Variants in PHACTR1 observed in about 807,000 individuals in gnomAD.
PHACTR1 encodes RPEL repeat containing 1.
In PHACTR1, 16 loss-of-function variants were observed where a neutral mutation model predicts 69.2. The observed-to-expected ratio is 0.23, with a 90% CI of 0.16 to 0.35. The LOEUF is 0.35. Among genes scored for constraint, PHACTR1 ranks in the 10% least tolerant of loss-of-function variants. PHACTR1 has a pLI of 1.00. For missense variants in PHACTR1, 510 were observed against 734.7 expected (o/e 0.69, Z 3.54); for synonymous variants, 312 against 284.5 (o/e 1.10, Z -0.97).
rs536754843 is a variant in PHACTR1, at chr6:12,824,788, G to A, written c.250+74998G>A. 5.3e-5 allele frequency among the ~76,000 whole-genome samples: 8 copies of A among 152,128 alleles called. No homozygotes were observed. In the South Asian group the frequency reaches 1.7e-3, roughly 32 times the overall value. ...AATTAACTTTAGTATCTGTAGTTCT[G>A]TCCATGTATGTTTCAGTCTAATACA... On this transcript the variant is annotated intron_variant, in intron 4 of 14. Coordinates refer to ENST00000332995, the MANE Select transcript of PHACTR1 (RefSeq NM_030948.6).
intron 3 of PHACTR1, among the ~76,000 whole-genome samples, chr6:12,729,988 A>T (rs889276978): frequency 3.3e-5 from 5 of 152,190 alleles, no homozygotes; most frequent in African/African-American, 1.2e-4. Flanking sequence ...ATACAGGAGG[A>T]TGACCAAGAT....
At chr6:12,934,812 G>C (rs775344687) in intron 4 of PHACTR1, among the ~76,000 whole-genome samples, 6 of 151,836 alleles carry the variant, frequency 4.0e-5, no homozygotes, top group Non-Finnish European at 7.4e-5. Flanking sequence ...CTCCAGTCTA[G>C]GTGACAGAAT....
intron 4 of PHACTR1, among the ~76,000 whole-genome samples, chr6:12,847,403 C>T (rs1779400143): frequency 6.6e-6 from 1 of 152,152 alleles, no homozygotes; most frequent in Admixed American, 6.5e-5. Flanking sequence ...AAGAAACAAA[C>T]TCTAAAGGTC....
intron 5 of PHACTR1, among the ~76,000 whole-genome samples, chr6:13,116,471 C>T (rs909423549): frequency 1.3e-5 from 2 of 152,152 alleles, no homozygotes. Context: ...TGCATTAAGT[C>T]ATTTAAGGCT....
chr6:13,009,569 T>C (rs1799208936), intron 4 of PHACTR1, among the ~76,000 whole-genome samples: 1 of 152,162 alleles, frequency 6.6e-6, no homozygotes, highest in African/African-American at 2.4e-5. Flanking sequence ...TTAATTTTGA[T>C]TGTAGGTTTC....
At chr6:12,850,120 C>A (rs1286649811) in intron 4 of PHACTR1, among the ~76,000 whole-genome samples, 2 of 152,170 alleles carry the variant, frequency 1.3e-5, no homozygotes, top group African/African-American at 4.8e-5. Flanking sequence ...GTCATGAATT[C>A]TTTTTTCCCT....
intron 10 of PHACTR1, among the ~76,000 whole-genome samples, chr6:13,260,013 C>T (rs1424773642): frequency 3.3e-5 from 5 of 152,154 alleles, no homozygotes; most frequent in Admixed American, 2.0e-4. Flanking sequence ...GAATGCCTTC[C>T]CATACGCCCA....
intron 4 of PHACTR1, among the ~76,000 whole-genome samples, chr6:12,967,054 G>T (rs948465781): frequency 6.6e-6 from 1 of 152,054 alleles, no homozygotes; most frequent in African/African-American, 2.4e-5. Flanking sequence ...AGAATTATTT[G>T]CCCATGTTCC....
At chr6:12,731,108 T>C (rs1282862113) in intron 3 of PHACTR1, among the ~76,000 whole-genome samples, 4 of 151,802 alleles carry the variant, frequency 2.6e-5, no homozygotes, top group African/African-American at 4.8e-5. Flanking sequence ...CTCTGCCTCC[T>C]GGGTTCAAGC....
chr6:13,108,887 C>T (rs1816578277), intron 5 of PHACTR1, among the ~76,000 whole-genome samples: 1 of 151,826 alleles, frequency 6.6e-6, no homozygotes, highest in South Asian at 2.1e-4. Context: ...TCCTTTTCAC[C>T]CCTTTTGCCA....
intron 4 of PHACTR1, among the ~76,000 whole-genome samples, chr6:12,861,702 C>T (rs1780957058): frequency 6.6e-6 from 1 of 152,156 alleles, no homozygotes; most frequent in Non-Finnish European, 1.5e-5. Context: ...CTTTAGACTG[C>T]AATTAACCAT....
At chr6:12,877,031 A>G (rs2127448873) in intron 4 of PHACTR1, among the ~76,000 whole-genome samples, 1 of 152,258 alleles carries the variant, frequency 6.6e-6, no homozygotes, top group Middle Eastern at 3.4e-3. Context: ...CCCCAAACAG[A>G]TTGGATGATA....
chr6:12,775,657 T>C (rs150068155), intron 4 of PHACTR1, among the ~76,000 whole-genome samples: 7 of 152,360 alleles, frequency 4.6e-5, no homozygotes, highest in Middle Eastern at 3.4e-3. Flanking sequence ...GAAATGCAAC[T>C]GGTACATATG....
At chr6:12,760,760 C>G (rs977216156) in intron 4 of PHACTR1, among the ~76,000 whole-genome samples, 3 of 152,086 alleles carry the variant, frequency 2.0e-5, no homozygotes, top group African/African-American at 7.2e-5. Flanking sequence ...TGATGAAACC[C>G]CATCTCTACT....
At chr6:13,185,002 A>C (rs765407807) in intron 7 of PHACTR1, 1 of 1,365,368 alleles carries the variant, frequency 7.3e-7, no homozygotes, top group Non-Finnish European at 9.8e-7. Context: ...CAACCACTTA[A>C]CAGGTGAGTG....
At chr6:12,845,422 A>ACCCCC (rs879435671) in intron 4 of PHACTR1, among the ~76,000 whole-genome samples, 33 of 12,794 alleles carry the variant, frequency 2.6e-3, no homozygotes, top group Non-Finnish European at 3.6e-3. Context: ...CATTGTGAAC[A>ACCCCC]CCACCCACCC....
intron 4 of PHACTR1, among the ~76,000 whole-genome samples, chr6:13,038,956 C>G (rs564178487): frequency 6.6e-6 from 1 of 152,290 alleles, no homozygotes; most frequent in East Asian, 1.9e-4. Context: ...AATGGCATAT[C>G]TCTTATCTTT....
chr6:13,217,109 G>T lies in PHACTR1; in HGVS notation c.987-10707G>T, dbSNP rs138238782. ...CTAAAGGAAATATTTTAATAAATTA[G>T]TGGGTAATATCTATAATGACTAATT... is the stretch of plus-strand genomic sequence containing the variant. On this transcript the variant is annotated intron_variant, in intron 8 of 14. Coordinates refer to ENST00000332995, the MANE Select transcript of PHACTR1 (RefSeq NM_030948.6). 2.1e-3 allele frequency among the ~76,000 whole-genome samples: 320 copies of T among 152,266 alleles called. 1 individual carries two copies. Among genetic ancestry groups the T allele is most frequent in the African/African-American group, 7.0e-3 (289 of 41,546 alleles).
intron 10 of PHACTR1, among the ~76,000 whole-genome samples, chr6:13,262,895 C>G (rs1170370668): frequency 2.0e-5 from 3 of 152,142 alleles, no homozygotes; most frequent in Non-Finnish European, 4.4e-5. Flanking sequence ...TCTGTTTTTC[C>G]TTTGTCCTGA....
Sources: allele counts gnomAD v4.1 joint callset (sites outside exome capture counted in the v4.1 genomes callset), GRCh38; gene constraint gnomAD v4.1.1; transcripts MANE v1.5; gene names NCBI Gene and HGNC (gene_info 2026-07-23, HGNC 2026-07-21).